The following CNTN5 variants were observed in gnomAD, a reference collection of about 807,000 sequenced individuals.
CNTN5 encodes contactin-5.
A neutral mutation model predicts 129.1 loss-of-function variants in CNTN5; 77 were observed. The ratio of observed to expected loss-of-function variants is 0.60; its 90% CI spans 0.50 to 0.72. The LOEUF is 0.72. Among genes scored for constraint, CNTN5 ranks in the 30% least tolerant of loss-of-function variants. CNTN5 has a pLI of 0.00. For synonymous variants in CNTN5, 509 were observed against 465.6 expected (o/e 1.09, Z -1.20); for missense variants, 1,478 against 1,328.8 (o/e 1.11, Z -1.75).
At chr11:99,228,623 TA>T (rs1464899225) in intron 1 of CNTN5, among the ~76,000 whole-genome samples, 3 of 152,072 alleles carry the variant, frequency 2.0e-5, no homozygotes, top group African/African-American at 7.2e-5. Flanking sequence ...ATGTGTCAAT[TA>T]AAAAGTTAAA....
chr11:99,342,460 C>T (rs1289989339), intron 2 of CNTN5, among the ~76,000 whole-genome samples: 3 of 148,890 alleles, frequency 2.0e-5, no homozygotes, highest in Non-Finnish European at 3.0e-5. Flanking sequence ...GGCAAACAGG[C>T]GTAGTGACTC....
intron 6 of CNTN5, among the ~76,000 whole-genome samples, chr11:99,886,371 G>T (rs1948901787): frequency 6.6e-6 from 1 of 152,048 alleles, no homozygotes; most frequent in Non-Finnish European, 1.5e-5. Context: ...TATATTTTAT[G>T]AAATAGTCAA....
chr11:99,335,678 GA>G (rs1171351151), intron 2 of CNTN5, among the ~76,000 whole-genome samples: 2 of 152,094 alleles, frequency 1.3e-5, no homozygotes, highest in Non-Finnish European at 2.9e-5. Flanking sequence ...TTCTCACAAT[GA>G]TAGATGGAAA....
In CNTN5 at chr11:99,534,377, T is replaced by C. The variant is rs1591235431; in HGVS notation, c.-70-21768T>C. ...AATGAGCATGATTTTAATGAGATTTTCATTTAAATAGTTTTATCTGGTTTC... is the reference window on the plus strand; with the variant it reads ...AATGAGCATGATTTTAATGAGATTTCCATTTAAATAGTTTTATCTGGTTTC... On this transcript the variant is annotated intron_variant, in intron 2 of 24. Transcript: ENST00000524871. Among the ~76,000 whole-genome samples, 3 of 152,332 alleles carry C rather than the reference T, an allele frequency of 2.0e-5. No homozygotes were observed. The South Asian group carries it at 6.2e-4, about 32-fold the overall frequency.
intron 2 of CNTN5, among the ~76,000 whole-genome samples, chr11:99,470,148 T>C (rs1945116234): frequency 6.6e-6 from 1 of 152,188 alleles, no homozygotes; most frequent in Non-Finnish European, 1.5e-5. Context: ...TATTCTCTCA[T>C]TTCATTCTTG....
chr11:99,467,122 T>G (rs1944975195), intron 2 of CNTN5, among the ~76,000 whole-genome samples: 1 of 152,164 alleles, frequency 6.6e-6, no homozygotes, highest in African/African-American at 2.4e-5. Flanking sequence ...TTGAAGATAA[T>G]TTCATTTTCT....
At chr11:99,738,193 T>G (rs1403450467) in intron 3 of CNTN5, among the ~76,000 whole-genome samples, 1 of 152,068 alleles carries the variant, frequency 6.6e-6, no homozygotes, top group Non-Finnish European at 1.5e-5. Flanking sequence ...GATAGAGCCT[T>G]TAAAGTGATG....
intron 1 of CNTN5, among the ~76,000 whole-genome samples, chr11:99,076,451 TACAC>T (rs1191927827): frequency 6.6e-6 from 1 of 151,702 alleles, no homozygotes; most frequent in East Asian, 1.9e-4. Flanking sequence ...AAACCACAAA[TACAC>T]ACACACACAA....
At chr11:99,674,750 A>G (rs550054125) in intron 3 of CNTN5, among the ~76,000 whole-genome samples, 38 of 152,304 alleles carry the variant, frequency 2.5e-4, no homozygotes, top group African/African-American at 8.7e-4. Context: ...AGCAATTCAG[A>G]TAAGATGCTT....
intron 1 of CNTN5, among the ~76,000 whole-genome samples, chr11:99,186,930 A>T (rs1291462433): frequency 6.6e-6 from 1 of 151,972 alleles, no homozygotes; most frequent in African/African-American, 2.4e-5. Context: ...GGCAAAGTAG[A>T]TAGAGAAATG....
intron 1 of CNTN5, among the ~76,000 whole-genome samples, chr11:99,316,844 G>C (rs760727088): frequency 4.6e-5 from 7 of 152,132 alleles, no homozygotes; most frequent in Admixed American, 3.9e-4. Context: ...GCTCCGAGCC[G>C]TGTATAAAGA....
At chr11:100,057,696 G>A (rs533932927) in intron 9 of CNTN5, among the ~76,000 whole-genome samples, 2 of 151,920 alleles carry the variant, frequency 1.3e-5, no homozygotes, top group Admixed American at 1.3e-4. Context: ...GGTCACCATA[G>A]CATCTTTGTG....
intron 8 of CNTN5, among the ~76,000 whole-genome samples, chr11:99,964,310 C>T (rs1951032870): frequency 6.6e-6 from 1 of 151,494 alleles, no homozygotes; most frequent in South Asian, 2.1e-4. Flanking sequence ...TCATAGATAG[C>T]TTTTATTTTG....
intron 1 of CNTN5, among the ~76,000 whole-genome samples, chr11:99,295,884 A>G (rs1295952451): frequency 7.4e-6 from 1 of 134,718 alleles, no homozygotes; most frequent in Non-Finnish European, 1.5e-5. Context: ...CTCCGTCTCA[A>G]AAAAAAAAAA....
intron 1 of CNTN5, among the ~76,000 whole-genome samples, chr11:99,308,794 G>A (rs1048242858): frequency 1.1e-4 from 16 of 151,984 alleles, no homozygotes; most frequent in African/African-American, 3.9e-4. Flanking sequence ...TTCTGCCCAT[G>A]TGACATGATC....
chr11:99,366,262 T>C (rs983309623), intron 2 of CNTN5, among the ~76,000 whole-genome samples: 8 of 150,810 alleles, frequency 5.3e-5, no homozygotes, highest in African/African-American at 1.9e-4. Context: ...GATTTCCACA[T>C]GTGGTTAACG....
At chr11:99,678,436 A>G (rs953100984) in intron 3 of CNTN5, among the ~76,000 whole-genome samples, 2 of 152,166 alleles carry the variant, frequency 1.3e-5, no homozygotes, top group African/African-American at 4.8e-5. Flanking sequence ...ACATGAATCT[A>G]AATCTCTCCA....
Position 100,180,538 on chromosome 11 carries a change from A to G in CNTN5, c.1581-10588A>G, listed in dbSNP as rs193268530. On this transcript the variant is annotated intron_variant, in intron 13 of 24. Transcript: ENST00000524871. ...TTGTAAAAATTTTAAAAATACACAC[A>G]AGGAAAGCATAATGAACTAAGGTTA... Among the ~76,000 whole-genome samples the G allele has an allele frequency of 2.0e-5, 3 of 152,132 alleles. No homozygotes were observed. The East Asian group carries it at 5.8e-4, about 29-fold the overall frequency.
intron 1 of CNTN5, among the ~76,000 whole-genome samples, chr11:99,252,105 A>C (rs1409856524): frequency 6.6e-6 from 1 of 151,730 alleles, no homozygotes; most frequent in South Asian, 2.1e-4. Flanking sequence ...GATTTTCTTT[A>C]TCTCTCTTCA....
Sources: allele counts gnomAD v4.1 joint callset (sites outside exome capture counted in the v4.1 genomes callset), GRCh38; gene constraint gnomAD v4.1.1; transcripts MANE v1.5; gene names NCBI Gene and HGNC (gene_info 2026-07-23, HGNC 2026-07-21).